TMEM135: variants seen among roughly 807,000 people sequenced by gnomAD.
TMEM135 encodes transmembrane protein 135, also known as peroxisomal membrane protein 52.
A neutral mutation model predicts 60.3 loss-of-function variants in TMEM135; 30 were observed. The observed-to-expected ratio is 0.50, with a 90% CI of 0.37 to 0.68. TMEM135 has a LOEUF of 0.68. Among genes scored for constraint, TMEM135 ranks in the 30% least tolerant of loss-of-function variants. The probability of loss-of-function intolerance (pLI) is 0.00; values close to 1 mark genes in which losing one functional copy is unlikely to be tolerated. For synonymous variants in TMEM135, 190 were observed against 186.7 expected (o/e 1.02, Z -0.14); for missense variants, 468 against 548.8 (o/e 0.85, Z 1.47).
chr11:87,282,465 A>G (rs1383074783), intron 6 of TMEM135, among the ~76,000 whole-genome samples: 1 of 152,152 alleles, frequency 6.6e-6, no homozygotes, highest in Non-Finnish European at 1.5e-5. Context: ...GGATTTCACC[A>G]TCTTGGCCAG....
intron 5 of TMEM135, among the ~76,000 whole-genome samples, chr11:87,226,339 G>T (rs1350464220): frequency 1.3e-5 from 2 of 152,144 alleles, no homozygotes; most frequent in Non-Finnish European, 2.9e-5. Flanking sequence ...TCTGTTTCAT[G>T]AATGATTTCT....
intron 6 of TMEM135, among the ~76,000 whole-genome samples, chr11:87,260,731 GTT>G (rs11436074): frequency 1.2e-4 from 18 of 150,142 alleles, no homozygotes; most frequent in Non-Finnish European, 2.1e-4. Context: ...AAAAAGAAAG[GTT>G]TTTTTTTTTA....
At chr11:87,142,393 A>G (rs190904599) in intron 4 of TMEM135, among the ~76,000 whole-genome samples, 40 of 152,284 alleles carry the variant, frequency 2.6e-4, no homozygotes, top group African/African-American at 7.7e-4. Context: ...GCTACTGGAA[A>G]AGGCTGATTT....
intron 5 of TMEM135, among the ~76,000 whole-genome samples, chr11:87,215,066 A>G (rs1306458705): frequency 6.6e-6 from 1 of 152,102 alleles, no homozygotes; most frequent in Non-Finnish European, 1.5e-5. Flanking sequence ...ATTTAATTAT[A>G]TTAAATTGTT....
At chr11:87,143,853 G>C (rs1398531813) in intron 4 of TMEM135, among the ~76,000 whole-genome samples, 6 of 152,060 alleles carry the variant, frequency 3.9e-5, no homozygotes, top group Non-Finnish European at 7.4e-5. Context: ...GTTTTCTGCT[G>C]TCAGAACCGC....
rs1253916760 is a variant in TMEM135, at chr11:87,163,617, A to T, written c.462+6211A>T. 1.9e-4 allele frequency among the ~76,000 whole-genome samples: 29 copies of T among 152,088 alleles called. No individual in the cohort carries two copies. In the South Asian group the frequency reaches 5.8e-3, roughly 31 times the overall value. The stretch of plus-strand genomic sequence containing the variant: ...AGATCCCTGAGGAATTGCCACACTG[A>T]CTTCCACAATGGTTGAACTAATTTA... On this transcript the variant is annotated intron_variant, in intron 5 of 14. Coordinates refer to ENST00000305494, the MANE Select transcript of TMEM135 (RefSeq NM_022918.4).
Position 87,244,179 on chromosome 11 carries a change from C to A in TMEM135, c.509+7495C>A, listed in dbSNP as rs529737280. 3.7e-3 allele frequency among the ~76,000 whole-genome samples: 250 copies of A among 67,490 alleles called. 92 individuals are homozygous for A. Among genetic ancestry groups the A allele is most frequent in the Middle Eastern group, 0.014 (2 of 138 alleles). The allele number at this position is 67,490 out of a possible 152,430, so 44.3% of individuals were successfully genotyped here. Reference sequence around the variant, plus strand: ...TATTGATTTGCGTATATTGAACCAGCCTTGCATCCCAGGGATGAAGCCCAC... The same window carrying A: ...TATTGATTTGCGTATATTGAACCAGACTTGCATCCCAGGGATGAAGCCCAC... On this transcript the variant is annotated intron_variant, in intron 6 of 14. Coordinates refer to ENST00000305494, the MANE Select transcript of TMEM135 (RefSeq NM_022918.4).
chr11:87,241,827 T>A (rs889607465), intron 6 of TMEM135, among the ~76,000 whole-genome samples: 1 of 142,388 alleles, frequency 7.0e-6, no homozygotes, highest in African/African-American at 2.6e-5. Context: ...TCCATGTTGC[T>A]GCAAATGACA....
At chr11:87,308,971 A>G (rs1157848572) in intron 9 of TMEM135, among the ~76,000 whole-genome samples, 1 of 152,100 alleles carries the variant, frequency 6.6e-6, no homozygotes, top group Non-Finnish European at 1.5e-5. Context: ...ATAATTCTGC[A>G]CCCCCTGCCC....
intron 5 of TMEM135, chr11:87,157,625 G>T: frequency 4.4e-6 from 2 of 455,044 alleles, no homozygotes; most frequent in South Asian, 2.9e-5. Context: ...TTTACCTTTA[G>T]TTATCAAATA....
In TMEM135 at chr11:87,327,793, C is replaced by T. The variant is rs765657833; in HGVS notation, c.*6460C>T. 1.9e-4 allele frequency: 85 copies of T among 453,892 alleles called. No individual in the cohort carries two copies. Among genetic ancestry groups the T allele is most frequent in the Admixed American group, 9.4e-5 (4 of 42,522 alleles). 28.1% of individuals were successfully genotyped at this position (453,892 alleles called of 1,614,324 possible). A position where few individuals can be genotyped will look rare whatever the true frequency, so the allele number is the denominator to read the frequency against. ...GGATGGGGGAGTGATAGTTTTAAGT[C>T]CTGGAGTCCCAAGGTTAGAGGATCT... On this transcript the variant is annotated 3_prime_UTR_variant, in exon 15 of 15. Transcript: ENST00000305494.
At chr11:87,075,536 T>G (rs1464264820) in intron 3 of TMEM135, among the ~76,000 whole-genome samples, 1 of 152,222 alleles carries the variant, frequency 6.6e-6, no homozygotes, top group African/African-American at 2.4e-5. Context: ...GTGATCCTCC[T>G]GCCTTGGCCA....
chr11:87,107,730 G>A (rs1857635404), intron 4 of TMEM135, among the ~76,000 whole-genome samples: 1 of 152,132 alleles, frequency 6.6e-6, no homozygotes, highest in Non-Finnish European at 1.5e-5. Flanking sequence ...ACATACGTGT[G>A]CATGTGTCTT....
chr11:87,182,078 A>C (rs1939530267), intron 5 of TMEM135, among the ~76,000 whole-genome samples: 1 of 151,860 alleles, frequency 6.6e-6, no homozygotes, highest in Non-Finnish European at 1.5e-5. Context: ...AAAAATATAG[A>C]ATAATATTTT....
chr11:87,195,489 T>C (rs1353462194), intron 5 of TMEM135, among the ~76,000 whole-genome samples: 1 of 151,710 alleles, frequency 6.6e-6, no homozygotes, highest in Non-Finnish European at 1.5e-5. Flanking sequence ...TGCAATGGCA[T>C]GATCTCAGCT....
intron 4 of TMEM135, among the ~76,000 whole-genome samples, chr11:87,135,224 G>T (rs1226680914): frequency 1.3e-5 from 2 of 151,870 alleles, no homozygotes; most frequent in Non-Finnish European, 2.9e-5. Context: ...TTAAAGAGAA[G>T]TTTAAAATTT....
intron 8 of TMEM135, 139 bp downstream of exon 8, chr11:87,302,581 A>C: frequency 9.4e-7 from 1 of 1,064,648 alleles, no homozygotes; most frequent in Non-Finnish European, 1.4e-6. Context: ...AATTTTATAA[A>C]AGGCACACAA....
chr11:87,255,283 C>T (rs540040914), intron 6 of TMEM135, among the ~76,000 whole-genome samples: 2 of 152,302 alleles, frequency 1.3e-5, no homozygotes, highest in Admixed American at 6.5e-5. Flanking sequence ...GAGCAAAATT[C>T]TGCCATCCTT....
At chr11:87,153,515 T>A (rs537961513) in intron 4 of TMEM135, among the ~76,000 whole-genome samples, 15 of 152,220 alleles carry the variant, frequency 9.9e-5, no homozygotes, top group Non-Finnish European at 1.9e-4. Context: ...TCACTTAGTT[T>A]CCATTCAAAT....
Sources: allele counts gnomAD v4.1 joint callset (sites outside exome capture counted in the v4.1 genomes callset), GRCh38; gene constraint gnomAD v4.1.1; transcripts MANE v1.5; gene names NCBI Gene and HGNC (gene_info 2026-07-23, HGNC 2026-07-21).